Variants in ITGA9 observed in about 807,000 individuals in gnomAD.
The protein encoded by ITGA9 is integrin alpha-9.
ITGA9 carries 56 observed loss-of-function variants against 127.8 expected under a neutral mutation model. The ratio of observed to expected loss-of-function variants is 0.44; its 90% CI spans 0.35 to 0.55. The LOEUF is 0.55. Among genes scored for constraint, ITGA9 ranks in the 20% least tolerant of loss-of-function variants. The pLI, the probability that ITGA9 is intolerant of heterozygous loss-of-function variation, is 0.00. For missense variants in ITGA9, 1,196 were observed against 1,347.1 expected (o/e 0.89, Z 1.76); for synonymous variants, 508 against 514.5 (o/e 0.99, Z 0.17).
At position 37,615,260 on chromosome 3, in the gene ITGA9, G is replaced by T. The variant is rs542011520; in HGVS notation, c.1690-13927G>T. 1.1e-4 allele frequency among the ~76,000 whole-genome samples: 16 copies of T among 152,264 alleles called. No homozygotes were observed. In the East Asian group the frequency reaches 2.9e-3, roughly 28 times the overall value. On this transcript the variant is annotated intron_variant, in intron 15 of 27. Coordinates refer to ENST00000264741, the MANE Select transcript of ITGA9 (RefSeq NM_002207.3). ...TGTCGCTGGTTCTGTTTATATGCTG[G>T]ATTATGTTTATTGATTTGCGTATGT...
chr3:37,479,643 G>T (rs553822030), intron 3 of ITGA9, among the ~76,000 whole-genome samples: 273 of 152,320 alleles, frequency 1.8e-3, no homozygotes, highest in African/African-American at 6.3e-3. Context: ...GGGACATGTG[G>T]CAGGGGGGCT....
chr3:37,519,362 G>A lies in ITGA9; in HGVS notation c.1236+8G>A. 1 of 1,598,002 alleles carries A rather than the reference G, an allele frequency of 6.3e-7. No homozygotes were observed. The highest frequency in any genetic ancestry group is 8.6e-7 in the Non-Finnish European group (1 of 1,165,572). ...GTCCCTCAGTACTCAATGGTAATTA[G>A]TGTGAGAGTGATATGGCAACTGTTC... is the stretch of plus-strand genomic sequence containing the variant. On this transcript the variant is annotated splice_region_variant and intron_variant, in intron 11 of 27. Coordinates refer to ENST00000264741, the MANE Select transcript of ITGA9 (RefSeq NM_002207.3).
intron 15 of ITGA9, among the ~76,000 whole-genome samples, chr3:37,614,046 A>G (rs1400228770): frequency 1.3e-5 from 2 of 152,184 alleles, no homozygotes; most frequent in Admixed American, 6.5e-5. Context: ...GCCCATGCCT[A>G]TGTCCTGAAT....
At chr3:37,711,092 G>A (rs1232356420) in intron 18 of ITGA9, among the ~76,000 whole-genome samples, 1 of 152,190 alleles carries the variant, frequency 6.6e-6, no homozygotes, top group East Asian at 1.9e-4. Context: ...TCCACTGGAG[G>A]ATCTGCTTCC....
At chr3:37,524,739 G>C (rs1403183100) in intron 12 of ITGA9, among the ~76,000 whole-genome samples, 1 of 152,170 alleles carries the variant, frequency 6.6e-6, no homozygotes, top group African/African-American at 2.4e-5. Context: ...CTCATTGTGA[G>C]GGGCTGCCCA....
chr3:37,736,994 G>C lies in ITGA9; in HGVS notation c.2234+11G>C, dbSNP rs372179241. The C allele has an allele frequency of 1.9e-5, 30 of 1,566,786 alleles. No homozygotes were observed. The East Asian group carries it at 5.4e-4, about 28-fold the overall frequency. ...TGTTACTGCTCAGAGGTAAGGGGGG[G>C]GTTTAAACACTTTTTTCAAAGATGA... On this transcript the variant is annotated intron_variant, in intron 20 of 27. Coordinates refer to ENST00000264741, the MANE Select transcript of ITGA9 (RefSeq NM_002207.3).
intron 18 of ITGA9, among the ~76,000 whole-genome samples, chr3:37,708,524 G>A (rs1446342404): frequency 6.6e-6 from 1 of 152,162 alleles, no homozygotes; most frequent in African/African-American, 2.4e-5. Context: ...TATCCCAGTG[G>A]TTCTCAACCA....
At chr3:37,639,961 C>G (rs111953446) in intron 16 of ITGA9, among the ~76,000 whole-genome samples, 59 of 152,246 alleles carry the variant, frequency 3.9e-4, no homozygotes, top group African/African-American at 1.3e-3. Flanking sequence ...ATGGTGATGA[C>G]AGAGGCCCTG....
chr3:37,458,725 C>T (rs1160253190), intron 1 of ITGA9, among the ~76,000 whole-genome samples: 2 of 152,332 alleles, frequency 1.3e-5, no homozygotes, highest in Admixed American at 1.3e-4. Flanking sequence ...ATCATCTTTG[C>T]TCATACCTCT....
At chr3:37,580,889 T>C (rs1207469808) in intron 15 of ITGA9, among the ~76,000 whole-genome samples, 1 of 152,214 alleles carries the variant, frequency 6.6e-6, no homozygotes, top group Non-Finnish European at 1.5e-5. Context: ...GACTCTACCA[T>C]TACTGGCTCT....
chr3:37,615,698 G>A (rs1700067365), intron 15 of ITGA9, among the ~76,000 whole-genome samples: 2 of 151,980 alleles, frequency 1.3e-5, no homozygotes, highest in South Asian at 2.1e-4. Context: ...GTCTTGGGAG[G>A]GTGTATGTGT....
Position 37,820,282 on chromosome 3 carries a change from C to A in ITGA9, c.*1293C>A, listed in dbSNP as rs1454629645. On this transcript the variant is annotated 3_prime_UTR_variant, in exon 28 of 28. Transcript: ENST00000264741. ...AAGTTAGGCCTCAGAGGTGTCCCAA[C>A]CTGAATCAAGGGGCTGGCTGCACCC... 6.6e-6 allele frequency: 1 copy of A among 152,204 alleles called. No homozygotes were observed. Among genetic ancestry groups the A allele is most frequent in the Non-Finnish European group, 1.5e-5 (1 of 68,074 alleles). 9.4% of individuals were successfully genotyped at this position (152,204 alleles called of 1,614,324 possible). A position where few individuals can be genotyped will look rare whatever the true frequency, so the allele number is the denominator to read the frequency against.
At chr3:37,752,493 G>A (rs1696598863) in intron 23 of ITGA9, among the ~76,000 whole-genome samples, 2 of 152,140 alleles carry the variant, frequency 1.3e-5, no homozygotes, top group Admixed American at 6.5e-5. Context: ...ACAGATTATA[G>A]GCATGGAGGG....
chr3:37,652,547 A>T (rs760721590), intron 16 of ITGA9, among the ~76,000 whole-genome samples: 2 of 152,172 alleles, frequency 1.3e-5, no homozygotes, highest in Non-Finnish European at 2.9e-5. Context: ...ATGAATTTTC[A>T]TAGGCGAAAT....
intron 3 of ITGA9, among the ~76,000 whole-genome samples, chr3:37,479,323 GT>G (rs1259526273): frequency 6.6e-6 from 1 of 152,232 alleles, no homozygotes; most frequent in Non-Finnish European, 1.5e-5. Context: ...AGGAGTGAAT[GT>G]GGTTTGCAGC....
intron 15 of ITGA9, among the ~76,000 whole-genome samples, chr3:37,572,007 T>C (rs775772255): frequency 2.0e-5 from 3 of 151,952 alleles, no homozygotes; most frequent in Non-Finnish European, 4.4e-5. Context: ...TCATGGGGAT[T>C]TTGTAAATTA....
intron 27 of ITGA9, among the ~76,000 whole-genome samples, chr3:37,815,501 C>T (rs1239460381): frequency 2.6e-5 from 4 of 151,626 alleles, no homozygotes; most frequent in Non-Finnish European, 4.4e-5. Context: ...CCCAGCTACT[C>T]GAGAGGCTGA....
intron 23 of ITGA9, among the ~76,000 whole-genome samples, chr3:37,773,059 C>A (rs17036939): frequency 1.3e-5 from 2 of 152,208 alleles, no homozygotes; most frequent in African/African-American, 4.8e-5. Flanking sequence ...TGCCCCTCTC[C>A]GCTGGCGTCT....
Position 37,494,537 on chromosome 3 carries a change from G to C in ITGA9, c.581G>C (p.Cys194Ser). Residue 194 changes from cysteine (C) to serine (S), a missense_variant, in exon 5 of 28, where the codon TGC (cysteine) becomes TCC (serine). Coordinates refer to ENST00000264741, the MANE Select transcript of ITGA9 (RefSeq NM_002207.3). ...AAGTACGGAGAGGAACACGGCTCCT[G>C]CCAGGCTGGGATAGCGGGCTTCTTC... The part of the protein sequence containing the change: ...KKKYGEEHGS[C>S]QAGIAGFFTE... 1 of 1,613,940 alleles carries C rather than the reference G, an allele frequency of 6.2e-7. No homozygotes were observed. Among genetic ancestry groups the C allele is most frequent in the Non-Finnish European group, 8.5e-7 (1 of 1,179,828 alleles).
Sources: gnomAD v4.1 joint callset for allele counts (sites outside exome capture counted in the v4.1 genomes callset) on GRCh38, gnomAD v4.1.1 for gene constraint, MANE v1.5 for transcripts, NCBI Gene and HGNC (gene_info 2026-07-23, HGNC 2026-07-21) for gene names.